Variants in FCGR1A observed in about 807,000 individuals in gnomAD.
FCGR1A encodes the protein Fc gamma receptor Ia.
Under a neutral mutation model 35.0 loss-of-function variants are expected in FCGR1A, and 13 were observed. The observed-to-expected ratio is 0.37, with a 90% CI of 0.24 to 0.59. The LOEUF is 0.59. Among genes scored for constraint, FCGR1A ranks in the 20% least tolerant of loss-of-function variants. The pLI, the probability that FCGR1A is intolerant of heterozygous loss-of-function variation, is 0.71. For synonymous variants in FCGR1A, 91 were observed against 164.7 expected (o/e 0.55, Z 3.43); for missense variants, 227 against 430.0 (o/e 0.53, Z 4.17).
intron 4 of FCGR1A, among the ~76,000 whole-genome samples, chr1:149,789,009 C>T (rs1311222936): frequency 9.2e-5 from 14 of 151,976 alleles, no homozygotes; most frequent in Middle Eastern, 6.8e-3. Context: ...ATATGAAGAA[C>T]GGGCTATACT....
chr1:149,797,736 T>A, the FCGR1A span, among the ~76,000 whole-genome samples: 2 of 152,286 alleles, frequency 1.3e-5, no homozygotes, highest in East Asian at 3.9e-4. Flanking sequence ...CAGTTCGAAC[T>A]ATAGGCGTGC....
chr1:149,785,407 C>CCTTTTTTTTTT (rs1553750700), intron 3 of FCGR1A, among the ~76,000 whole-genome samples: 1 of 74,544 alleles, frequency 1.3e-5, no homozygotes, highest in Non-Finnish European at 2.9e-5. Flanking sequence ...AGAGCTGTTT[C>CCTTTTTTTTTT]GTTTTTTTTT....
downstream of FCGR1A, chr1:149,793,155 T>G (rs2091755727): frequency 7.8e-7 from 1 of 1,278,830 alleles, no homozygotes; most frequent in Non-Finnish European, 1.0e-6. Flanking sequence ...AGAGGAGGAT[T>G]GGTAGATCAC....
intron 3 of FCGR1A, chr1:149,787,231 T>G (rs1559744347): frequency 6.6e-6 from 1 of 152,320 alleles, no homozygotes; most frequent in South Asian, 2.1e-4. Context: ...ATGCTATGTA[T>G]AGCATAGAAA....
chr1:149,785,470 G>A (rs2091522988), intron 3 of FCGR1A, among the ~76,000 whole-genome samples: 1 of 127,808 alleles, frequency 7.8e-6, no homozygotes, highest in African/African-American at 2.9e-5. Context: ...AGGCTGGAAT[G>A]CAGTGGTGTG....
the FCGR1A span, among the ~76,000 whole-genome samples, chr1:149,799,329 G>A: frequency 6.6e-6 from 1 of 152,072 alleles, no homozygotes; most frequent in Non-Finnish European, 1.5e-5. Flanking sequence ...TTCTTCATAA[G>A]CATTTTCCCT....
chr1:149,786,611 C>T (rs1378692741), intron 3 of FCGR1A: 3 of 151,900 alleles, frequency 2.0e-5, no homozygotes, highest in African/African-American at 2.4e-5. Flanking sequence ...TGGACCCGAG[C>T]CCTAATCATA....
chr1:149,786,821 T>C (rs879956924), intron 3 of FCGR1A: 5 of 152,254 alleles, frequency 3.3e-5, no homozygotes, highest in Admixed American at 6.5e-5. Context: ...TTTTTGCTAT[T>C]GATTTCTAAT....
At chr1:149,789,379 C>T (rs587670228) in intron 4 of FCGR1A, among the ~76,000 whole-genome samples, 5 of 138,418 alleles carry the variant, frequency 3.6e-5, no homozygotes, top group East Asian at 2.0e-4. Flanking sequence ...GGCAACAGAG[C>T]GAGACTACGT....
In FCGR1A at chr1:149,784,134, G is replaced by A. The variant is rs1263403033; in HGVS notation, c.184G>A (p.Ala62Thr). The A allele has an allele frequency of 1.9e-6, 3 of 1,611,686 alleles. No individual in the cohort carries two copies. Among genetic ancestry groups the A allele is most frequent in the Admixed American group, 3.3e-5 (2 of 59,956 alleles). The change falls in exon 3 of 6, where the codon GCC becomes ACC. Residue 62 changes from alanine to threonine, a missense_variant. Ala to Thr is a moderately conservative substitution (Grantham distance 58). Coordinates refer to ENST00000369168, the MANE Select transcript of FCGR1A (RefSeq NM_000566.4). ...TACACAGTGGTTTCTCAATGGCACA[G>A]CCACTCAGACCTCGACCCCCAGCTA... ...SSTQWFLNGT[A>T]TQTSTPSYRI...
rs1559745935 is a variant in FCGR1A, at chr1:149,789,421, G to GATAATAATA, written c.560-631_560-630insAATAATAAT. Among the ~76,000 whole-genome samples, 1,319 of 144,926 alleles carry GATAATAATA rather than the reference G, an allele frequency of 9.1e-3. 25 individuals carry two copies. Among genetic ancestry groups the GATAATAATA allele is most frequent in the African/African-American group, 0.036 (1,266 of 35,588 alleles). On this transcript the variant is annotated intron_variant, in intron 4 of 5. Coordinates refer to ENST00000369168, the MANE Select transcript of FCGR1A (RefSeq NM_000566.4). ...TAATAATAATAATAATAATAATAAT[G>GATAATAATA]ATGATAATAAAGTCACTGAAATGGC... is the stretch of plus-strand genomic sequence containing the variant.
chr1:149,800,074 G>T, the FCGR1A span, among the ~76,000 whole-genome samples: 1 of 151,912 alleles, frequency 6.6e-6, no homozygotes, highest in Non-Finnish European at 1.5e-5. Context: ...TCCAAGCTGG[G>T]GTTCCCATGG....
chr1:149,799,298 G>C, the FCGR1A span, among the ~76,000 whole-genome samples: 1 of 151,604 alleles, frequency 6.6e-6, no homozygotes, highest in African/African-American at 2.4e-5. Context: ...CAAATGAGTT[G>C]GATGTAAATT....
chr1:149,793,025 G>A (rs1304772603), downstream of FCGR1A: 1 of 1,264,234 alleles, frequency 7.9e-7, no homozygotes, highest in Non-Finnish European at 1.0e-6. Context: ...CCCCGCCCCG[G>A]GCCCGCCAGC....
intron 3 of FCGR1A, among the ~76,000 whole-genome samples, chr1:149,785,334 C>A (rs1335226417): frequency 1.3e-5 from 2 of 150,694 alleles, no homozygotes; most frequent in African/African-American, 2.4e-5. Context: ...GCTTGATGTT[C>A]CTCATGTGTC....
chr1:149,799,775 A>G, the FCGR1A span, among the ~76,000 whole-genome samples: 4 of 152,016 alleles, frequency 2.6e-5, no homozygotes, highest in Non-Finnish European at 5.9e-5. Flanking sequence ...GGCTTTGTGG[A>G]GGAATTTCTG....
At chr1:149,793,023 C>T (rs1451937203), downstream of FCGR1A, 61 of 1,263,992 alleles carry the variant, frequency 4.8e-5, no homozygotes, top group Non-Finnish European at 5.9e-5. Flanking sequence ...AACCCCGCCC[C>T]GGGCCCGCCA....
At chr1:149,789,421 G>A (rs12069190) in intron 4 of FCGR1A, among the ~76,000 whole-genome samples, 17,019 of 143,972 alleles carry the variant, frequency 0.12, 1,262 homozygotes, top group African/African-American at 0.24. Flanking sequence ...TAATAATAAT[G>A]ATGATAATAA....
chr1:149,791,162 C>A lies in FCGR1A; in HGVS notation c.845-75C>A, dbSNP rs1411341956. 5.3e-5 allele frequency: 85 copies of A among 1,604,450 alleles called. 3 individuals carry two copies. The highest frequency in any genetic ancestry group is 7.1e-5 in the Non-Finnish European group (83 of 1,176,446). ...GCACATCAGGTCTCAGCCAACCTTC[C>A]CTTCCAAACATAACTCAGCTAGACC... On this transcript the variant is annotated intron_variant, in intron 5 of 5. Transcript: ENST00000369168.
Sources: allele counts gnomAD v4.1 joint callset (sites outside exome capture counted in the v4.1 genomes callset), GRCh38; gene constraint gnomAD v4.1.1; transcripts MANE v1.5; gene names NCBI Gene and HGNC (gene_info 2026-07-23, HGNC 2026-07-21).